The following CCDC102B variants were observed in gnomAD, a reference collection of about 807,000 sequenced individuals.
CCDC102B encodes coiled-coil domain containing 102B.
Under a neutral mutation model 57.4 loss-of-function variants are expected in CCDC102B, and 75 were observed. The observed-to-expected ratio is 1.31, with a 90% confidence interval of 1.08 to 1.58. The LOEUF (loss-of-function observed/expected upper bound fraction) is 1.58, where lower values mean the gene tolerates loss of function less well. Among genes scored for constraint, CCDC102B ranks in the 40% most tolerant of loss-of-function variants. CCDC102B has a pLI of 0.00. For missense variants in CCDC102B, 636 were observed against 582.6 expected (o/e 1.09, Z -0.94); for synonymous variants, 206 against 201.9 (o/e 1.02, Z -0.17).
chr18:68,888,359 T>G (rs1436971368), intron 5 of CCDC102B, among the ~76,000 whole-genome samples: 1 of 152,204 alleles, frequency 6.6e-6, no homozygotes, highest in Non-Finnish European at 1.5e-5. Context: ...TCAGATTAGT[T>G]CAGTGATAGA....
intron 2 of CCDC102B, among the ~76,000 whole-genome samples, chr18:68,722,174 C>G (rs367942677): frequency 8.2e-4 from 125 of 152,276 alleles, no homozygotes; most frequent in African/African-American, 2.8e-3. Flanking sequence ...GGAATGTTTG[C>G]ACTCATCCCG....
chr18:68,742,145 G>A lies in CCDC102B; in HGVS notation c.-67+25551G>A, dbSNP rs115999694. ...CTGATATCAAGATGTCTCCCGGGAT[G>A]ATTCCTCCTGGAGGCTCTGAGGCAG... On this transcript the variant is annotated intron_variant, in intron 2 of 3. Coordinates refer to the CCDC102B transcript ENST00000578970. Among the ~76,000 whole-genome samples, 1,075 of 152,292 alleles carry A rather than the reference G, an allele frequency of 7.1e-3. 11 individuals are homozygous for A. Among genetic ancestry groups the A allele is most frequent in the African/African-American group, 0.024 (1,018 of 41,560 alleles).
intron 7 of CCDC102B, among the ~76,000 whole-genome samples, chr18:69,022,540 T>C (rs900384988): frequency 6.6e-6 from 1 of 152,192 alleles, no homozygotes; most frequent in African/African-American, 2.4e-5. Flanking sequence ...TATTTTTTTT[T>C]CCTTCTTTTT....
intron 5 of CCDC102B, among the ~76,000 whole-genome samples, chr18:68,882,014 AAAT>A (rs2144961243): frequency 6.6e-6 from 1 of 152,342 alleles, no homozygotes; most frequent in East Asian, 1.9e-4. Context: ...CAATGTGGCT[AAAT>A]AATAATAGGA....
At chr18:68,942,982 G>T (rs2049427348) in intron 6 of CCDC102B, among the ~76,000 whole-genome samples, 2 of 133,436 alleles carry the variant, frequency 1.5e-5, no homozygotes, top group African/African-American at 5.2e-5. Flanking sequence ...AGTAGGGAGT[G>T]GTGATGACTT....
intron 4 of CCDC102B, among the ~76,000 whole-genome samples, chr18:68,873,010 A>G (rs558051628): frequency 6.6e-6 from 1 of 152,250 alleles, no homozygotes; most frequent in East Asian, 1.9e-4. Context: ...GTTTAATGAC[A>G]AGGTTTCAGA....
chr18:68,921,256 C>T (rs1405267799), intron 6 of CCDC102B, among the ~76,000 whole-genome samples: 1 of 152,102 alleles, frequency 6.6e-6, no homozygotes, highest in Non-Finnish European at 1.5e-5. Flanking sequence ...GTAATTGAAT[C>T]ACGGAGGCAA....
At chr18:68,944,306 A>T (rs1340972127) in intron 6 of CCDC102B, among the ~76,000 whole-genome samples, 1 of 152,156 alleles carries the variant, frequency 6.6e-6, no homozygotes, top group East Asian at 1.9e-4. Flanking sequence ...TCAGAGTAAA[A>T]ACAAGGTTAG....
At chr18:68,997,301 T>C (rs1023276193) in intron 6 of CCDC102B, among the ~76,000 whole-genome samples, 2 of 152,222 alleles carry the variant, frequency 1.3e-5, no homozygotes, top group African/African-American at 2.4e-5. Flanking sequence ...ATTTTCTATA[T>C]ACTTACAATT....
rs115102892 is a variant in CCDC102B at position 68,756,590 on chromosome 18, A to G, written c.-67+39996A>G. 4.4e-3 allele frequency among the ~76,000 whole-genome samples: 665 copies of G among 152,294 alleles called. 6 individuals are homozygous for G. The highest frequency in any genetic ancestry group is 0.015 in the African/African-American group (616 of 41,556). ...TTGTAAACTTCTAAAAGGCAAGAGAAGTCATGCCCAATGTAATCTTTATGT... is the reference window on the plus strand; with the variant it reads ...TTGTAAACTTCTAAAAGGCAAGAGAGGTCATGCCCAATGTAATCTTTATGT... On this transcript the variant is annotated intron_variant, in intron 2 of 3. Transcript: ENST00000578970.
chr18:69,040,267 T>G (rs1443156416), intron 7 of CCDC102B, among the ~76,000 whole-genome samples: 1 of 151,968 alleles, frequency 6.6e-6, no homozygotes, highest in Non-Finnish European at 1.5e-5. Context: ...TATTTTATTT[T>G]TATATGAAAG....
intron 2 of CCDC102B, among the ~76,000 whole-genome samples, chr18:68,736,792 G>A (rs746709382): frequency 7.2e-5 from 11 of 152,000 alleles, no homozygotes; most frequent in Non-Finnish European, 1.3e-4. Flanking sequence ...CTCCCCATGG[G>A]TCCCTCCCAC....
At chr18:68,798,052 C>G (rs2035694221), upstream of CCDC102B, 1 of 151,978 alleles carries the variant, frequency 6.6e-6, no homozygotes, top group South Asian at 2.1e-4. Flanking sequence ...GTGGAGTGCC[C>G]TTAATGCTGG....
intron 6 of CCDC102B, among the ~76,000 whole-genome samples, chr18:68,925,801 T>G (rs550144219): frequency 5.3e-5 from 8 of 152,050 alleles, no homozygotes; most frequent in African/African-American, 1.7e-4. Context: ...TGATGAATCA[T>G]CAAAAAGCCC....
intron 4 of CCDC102B, among the ~76,000 whole-genome samples, chr18:68,861,219 A>G (rs1167322703): frequency 1.3e-5 from 2 of 151,916 alleles, no homozygotes; most frequent in Non-Finnish European, 2.9e-5. Context: ...TTGTCAAGCT[A>G]AGAGGAACAT....
chr18:68,994,428 G>T (rs2050960124), intron 6 of CCDC102B, among the ~76,000 whole-genome samples: 1 of 152,008 alleles, frequency 6.6e-6, no homozygotes, highest in Non-Finnish European at 1.5e-5. Context: ...CATACCCATT[G>T]AAATTGTTAG....
intron 6 of CCDC102B, among the ~76,000 whole-genome samples, chr18:68,964,526 G>T (rs959820954): frequency 6.6e-6 from 1 of 151,282 alleles, no homozygotes; most frequent in African/African-American, 2.4e-5. Context: ...CTTTTTGAAA[G>T]ATTTCCAGCT....
chr18:68,746,360 T>C (rs544324692), intron 2 of CCDC102B, among the ~76,000 whole-genome samples: 2 of 152,288 alleles, frequency 1.3e-5, no homozygotes, highest in Admixed American at 1.3e-4. Context: ...GGAATCCTTT[T>C]CAACTATGAT....
intron 6 of CCDC102B, among the ~76,000 whole-genome samples, chr18:68,985,329 A>G (rs1186924352): frequency 6.6e-6 from 1 of 152,192 alleles, no homozygotes; most frequent in Non-Finnish European, 1.5e-5. Flanking sequence ...CAGGTTTAGT[A>G]TACATCGTTG....
Sources: allele counts gnomAD v4.1 joint callset (sites outside exome capture counted in the v4.1 genomes callset), GRCh38; gene constraint gnomAD v4.1.1; transcripts MANE v1.5; gene names NCBI Gene and HGNC (gene_info 2026-07-23, HGNC 2026-07-21).